HPSE2: variants seen among roughly 807,000 people sequenced by gnomAD.
HPSE2 encodes heparanase 2 (inactive).
A neutral mutation model predicts 60.5 loss-of-function variants in HPSE2; 38 were observed. The ratio of observed to expected loss-of-function variants is 0.63; its 90% confidence interval spans 0.48 to 0.82. The LOEUF (loss-of-function observed/expected upper bound fraction) is 0.82. Among genes scored for constraint, HPSE2 ranks in the 40% least tolerant of loss-of-function variants. The pLI is 0.00. For synonymous variants in HPSE2, 295 were observed against 293.2 expected (o/e 1.01, Z -0.06); for missense variants, 713 against 740.4 (o/e 0.96, Z 0.43).
intron 9 of HPSE2, among the ~76,000 whole-genome samples, chr10:98,567,545 C>A (rs1453364695): frequency 6.6e-6 from 1 of 152,090 alleles, no homozygotes; most frequent in Non-Finnish European, 1.5e-5. Context: ...TCTAAGCTGG[C>A]CTGGAGGGAA....
intron 6 of HPSE2, among the ~76,000 whole-genome samples, chr10:98,653,413 TG>T (rs1423837902): frequency 6.9e-6 from 1 of 145,046 alleles, no homozygotes; most frequent in Non-Finnish European, 1.5e-5. Flanking sequence ...TCCTTGTATC[TG>T]TTTTTTTTTT....
At chr10:98,906,015 A>G (rs2134999528) in intron 3 of HPSE2, among the ~76,000 whole-genome samples, 2 of 152,224 alleles carry the variant, frequency 1.3e-5, no homozygotes, top group Admixed American at 1.3e-4. Flanking sequence ...CTTAGCTGAA[A>G]AGAGTCATCT....
chr10:99,129,809 C>A (rs200119967), intron 3 of HPSE2, among the ~76,000 whole-genome samples: 73 of 132,448 alleles, frequency 5.5e-4, no homozygotes, highest in East Asian at 1.1e-3. Flanking sequence ...AAATTGAAAC[C>A]AAAAAAAAAA....
At chr10:99,139,937 C>T (rs929931472) in intron 3 of HPSE2, among the ~76,000 whole-genome samples, 6 of 151,832 alleles carry the variant, frequency 4.0e-5, no homozygotes, top group African/African-American at 1.4e-4. Context: ...CATTTGCTTC[C>T]AACTTTATCA....
intron 2 of HPSE2, among the ~76,000 whole-genome samples, chr10:99,169,907 C>T (rs1380699064): frequency 6.6e-6 from 1 of 152,118 alleles, no homozygotes; most frequent in Non-Finnish European, 1.5e-5. Context: ...CTGCAACTCT[C>T]TATGGGAAAT....
intron 2 of HPSE2, among the ~76,000 whole-genome samples, chr10:99,152,304 C>G (rs1209513564): frequency 1.2e-4 from 17 of 145,036 alleles, no homozygotes; most frequent in Non-Finnish European, 2.4e-4. Context: ...GAGCGAGACT[C>G]CACCTCAAAA....
the HPSE2 span, among the ~76,000 whole-genome samples, chr10:99,247,322 A>G: frequency 1.5e-4 from 23 of 152,274 alleles, no homozygotes; most frequent in Non-Finnish European, 2.9e-5. Context: ...TTACTGCAAC[A>G]TGAAAAGAAT....
chr10:98,547,234 GAA>G (rs1442135362), intron 9 of HPSE2, among the ~76,000 whole-genome samples: 1 of 111,480 alleles, frequency 9.0e-6, no homozygotes. Context: ...AACCATTGTG[GAA>G]GTCAGTGTGG....
intron 3 of HPSE2, among the ~76,000 whole-genome samples, chr10:98,780,964 G>A (rs1298653298): frequency 6.6e-6 from 1 of 151,952 alleles, no homozygotes; most frequent in Non-Finnish European, 1.5e-5. Flanking sequence ...ATGTAGGAGT[G>A]ATGTGCCACT....
intron 3 of HPSE2, among the ~76,000 whole-genome samples, chr10:99,136,013 G>C (rs897319576): frequency 1.3e-5 from 2 of 151,998 alleles, no homozygotes; most frequent in Non-Finnish European, 2.9e-5. Flanking sequence ...CAGAAAAAAA[G>C]AGAGAAGAAT....
At chr10:98,726,530 A>G (rs1949085895) in intron 4 of HPSE2, among the ~76,000 whole-genome samples, 1 of 151,490 alleles carries the variant, frequency 6.6e-6, no homozygotes, top group Non-Finnish European at 1.5e-5. Flanking sequence ...GATATACCTA[A>G]TGCTAAATGA....
intron 9 of HPSE2, among the ~76,000 whole-genome samples, chr10:98,528,943 A>G (rs1943052600): frequency 6.6e-6 from 1 of 152,252 alleles, no homozygotes; most frequent in Non-Finnish European, 1.5e-5. Context: ...AGACTTGCAC[A>G]GTGGGAAGAC....
chr10:98,904,053 A>C (rs1269561219), intron 3 of HPSE2, among the ~76,000 whole-genome samples: 1 of 152,194 alleles, frequency 6.6e-6, no homozygotes, highest in Non-Finnish European at 1.5e-5. Context: ...AATTAAATGT[A>C]AACATGTCTA....
chr10:98,593,672 T>C (rs1193358782), intron 9 of HPSE2, among the ~76,000 whole-genome samples: 1 of 152,156 alleles, frequency 6.6e-6, no homozygotes, highest in Non-Finnish European at 1.5e-5. Context: ...TCATAGAGTT[T>C]AGAGGTGAGT....
At chr10:98,999,420 C>T (rs1474059986) in intron 3 of HPSE2, among the ~76,000 whole-genome samples, 1 of 152,084 alleles carries the variant, frequency 6.6e-6, no homozygotes, top group Non-Finnish European at 1.5e-5. Context: ...TAATTGTATA[C>T]TCTTATTTTT....
chr10:98,479,610 G>C (rs1456198028), intron 11 of HPSE2, among the ~76,000 whole-genome samples: 1 of 152,214 alleles, frequency 6.6e-6, no homozygotes, highest in Non-Finnish European at 1.5e-5. Context: ...CACAGCCCAG[G>C]ATCGAGCCAA....
In HPSE2 at chr10:98,935,213, T is replaced by C. The variant is rs1028547170; in HGVS notation, c.611-191157A>G. 1.6e-4 allele frequency among the ~76,000 whole-genome samples: 23 copies of C among 142,932 alleles called. 5 individuals carry two copies. Among genetic ancestry groups the C allele is most frequent in the African/African-American group, 6.6e-4 (23 of 34,844 alleles). 93.8% of individuals were successfully genotyped at this position (142,932 alleles called of 152,430 possible). On this transcript the variant is annotated intron_variant, in intron 3 of 11. Coordinates refer to ENST00000370552, the MANE Select transcript of HPSE2 (RefSeq NM_021828.5). ...CTTTTATCATGGTTCTTAGCTTCTTTGCATTGGGTTAGAATATAATCCTTT... is the reference window on the plus strand; with the variant it reads ...CTTTTATCATGGTTCTTAGCTTCTTCGCATTGGGTTAGAATATAATCCTTT...
chr10:98,531,298 C>T (rs867678671), intron 9 of HPSE2, among the ~76,000 whole-genome samples: 3 of 152,048 alleles, frequency 2.0e-5, no homozygotes, highest in African/African-American at 4.8e-5. Context: ...ATGGGAAGAA[C>T]GAGGAGTTTG....
chr10:99,283,580 A>T, the HPSE2 span, among the ~76,000 whole-genome samples: 1 of 152,068 alleles, frequency 6.6e-6, no homozygotes, highest in Non-Finnish European at 1.5e-5. Flanking sequence ...CTTTGAAAAG[A>T]TTAACAAAAT....
Sources: gnomAD v4.1 joint callset for allele counts (sites outside exome capture counted in the v4.1 genomes callset) on GRCh38, gnomAD v4.1.1 for gene constraint, MANE v1.5 for transcripts, NCBI Gene and HGNC (gene_info 2026-07-23, HGNC 2026-07-21) for gene names.